DLC1: variants seen among roughly 807,000 people sequenced by gnomAD.
DLC1 encodes the protein DLC1 Rho GTPase activating protein.
In DLC1, 54 loss-of-function variants were observed where a neutral mutation model predicts 140.3. The ratio of observed to expected loss-of-function variants is 0.38; its 90% confidence interval spans 0.31 to 0.48. The LOEUF is 0.48. Ranked by LOEUF, DLC1 falls within the 20% of genes least tolerant of loss-of-function variation. The pLI is 0.96. For synonymous variants in DLC1, 986 were observed against 728.1 expected (o/e 1.35, Z -5.70); for missense variants, 2,536 against 1,907.0 (o/e 1.33, Z -6.14).
chr8:13,390,740 C>A (rs1035411673), intron 4 of DLC1, among the ~76,000 whole-genome samples: 2 of 152,158 alleles, frequency 1.3e-5, no homozygotes, highest in African/African-American at 4.8e-5. Flanking sequence ...GTAATCCCAG[C>A]ACTTTGGGAG....
chr8:13,517,308 G>A (rs1450573453), upstream of DLC1, among the ~76,000 whole-genome samples: 2 of 152,078 alleles, frequency 1.3e-5, no homozygotes, highest in South Asian at 2.1e-4. Context: ...CTTTAGTTTT[G>A]TTTCTATTTC....
At chr8:13,379,579 A>G (rs531323888) in intron 4 of DLC1, among the ~76,000 whole-genome samples, 2 of 152,326 alleles carry the variant, frequency 1.3e-5, no homozygotes, top group South Asian at 2.1e-4. Context: ...ATGTCAAAAA[A>G]TTCTAAGTCA....
chr8:13,094,006 A>C (rs541000238), intron 12 of DLC1, among the ~76,000 whole-genome samples: 1 of 152,336 alleles, frequency 6.6e-6, no homozygotes, highest in Non-Finnish European at 1.5e-5. Context: ...ATAACAGAAA[A>C]AGATTATTTA....
At chr8:13,539,115 C>G (rs1424771785) in intron 1 of DLC1, among the ~76,000 whole-genome samples, 2 of 152,008 alleles carry the variant, frequency 1.3e-5, no homozygotes, top group Admixed American at 1.3e-4. Flanking sequence ...GTCATAATCA[C>G]TTTTTATCTT....
chr8:13,484,033 T>A (rs969786133), intron 2 of DLC1, among the ~76,000 whole-genome samples: 5 of 152,080 alleles, frequency 3.3e-5, no homozygotes, highest in African/African-American at 1.2e-4. Flanking sequence ...TGAACCCAGA[T>A]CATGCCATTG....
intron 4 of DLC1, among the ~76,000 whole-genome samples, chr8:13,368,269 C>A (rs557021918): frequency 6.6e-6 from 1 of 152,026 alleles, no homozygotes; most frequent in African/African-American, 2.4e-5. Flanking sequence ...TCTCCTAGGA[C>A]AGTATATTTT....
chr8:13,317,101 G>T (rs1025419856), intron 4 of DLC1, among the ~76,000 whole-genome samples: 1 of 152,168 alleles, frequency 6.6e-6, no homozygotes, highest in Admixed American at 6.5e-5. Flanking sequence ...CTATATTTCA[G>T]AATGGGTCAA....
At position 13,100,223 on chromosome 8, in the gene DLC1, T is replaced by C. The variant is rs1371666729; in HGVS notation, c.2114A>G (p.Glu705Gly). The C allele has an allele frequency of 1.9e-6, 3 of 1,614,084 alleles. No individual in the cohort carries two copies. Among genetic ancestry groups the C allele is most frequent in the Non-Finnish European group, 2.5e-6 (3 of 1,180,050 alleles). Residue 705 changes from glutamate to glycine, a missense_variant, in exon 9 of 18, where the codon GAG becomes GGG. By Grantham distance (98) the Glu-to-Gly change is moderately conservative (BLOSUM62 -2). Coordinates refer to ENST00000276297, the MANE Select transcript of DLC1 (RefSeq NM_182643.3). ...GCAGTTGAGCTGCTTCAGCTTCTCC[T>C]CATCCATCCCCTCTTGCAAGATGGG... ...SGPILQEGMD[E>G]EKLKQLNCVE...
At chr8:13,438,629 A>G (rs1839228282) in intron 2 of DLC1, among the ~76,000 whole-genome samples, 1 of 152,138 alleles carries the variant, frequency 6.6e-6, no homozygotes, top group African/African-American at 2.4e-5. Flanking sequence ...CTGGATTCAC[A>G]GCTGTTTTCC....
At chr8:13,221,513 G>A (rs1317933325) in intron 5 of DLC1, among the ~76,000 whole-genome samples, 1 of 151,310 alleles carries the variant, frequency 6.6e-6, no homozygotes, top group East Asian at 1.9e-4. Flanking sequence ...TGGGACTACA[G>A]GCATGCACCA....
At chr8:13,228,694 T>C (rs1828910718) in intron 5 of DLC1, among the ~76,000 whole-genome samples, 1 of 152,182 alleles carries the variant, frequency 6.6e-6, no homozygotes, top group South Asian at 2.1e-4. Context: ...CAGTGAACTA[T>C]GGTCGTGCTG....
chr8:13,111,979 C>T (rs1448303340), intron 6 of DLC1, among the ~76,000 whole-genome samples: 2 of 151,718 alleles, frequency 1.3e-5, no homozygotes, highest in African/African-American at 4.8e-5. Context: ...GACCTTGTCT[C>T]TACAAAAAAA....
chr8:13,418,872 T>C (rs1838189984), intron 2 of DLC1, among the ~76,000 whole-genome samples: 2 of 152,148 alleles, frequency 1.3e-5, no homozygotes, highest in Admixed American at 1.3e-4. Context: ...CATTTCTTTG[T>C]ATCCTCTTTT....
chr8:13,554,944 C>T (rs1347648464), intron 1 of DLC1, among the ~76,000 whole-genome samples: 1 of 152,222 alleles, frequency 6.6e-6, no homozygotes, highest in Non-Finnish European at 1.5e-5. Context: ...CTATTAACCT[C>T]CACTTCCATT....
chr8:13,460,661 T>G (rs1006643793), intron 2 of DLC1, among the ~76,000 whole-genome samples: 3 of 152,048 alleles, frequency 2.0e-5, no homozygotes, highest in Non-Finnish European at 4.4e-5. Context: ...ATGGTGTGGA[T>G]CAAAATAAAG....
intron 1 of DLC1, among the ~76,000 whole-genome samples, chr8:13,531,477 T>C (rs1041215277): frequency 7.9e-5 from 12 of 152,016 alleles, no homozygotes; most frequent in Non-Finnish European, 1.8e-4. Context: ...TCCCAGTTAC[T>C]CAGGTGGCTG....
chr8:13,283,143 A>G (rs952863017), intron 5 of DLC1, among the ~76,000 whole-genome samples: 1 of 152,214 alleles, frequency 6.6e-6, no homozygotes, highest in Non-Finnish European at 1.5e-5. Flanking sequence ...CTATGTTAAC[A>G]TAACTTGTTG....
chr8:13,479,284 A>G (rs1443883963), intron 2 of DLC1, among the ~76,000 whole-genome samples: 6 of 152,374 alleles, frequency 3.9e-5, no homozygotes, highest in South Asian at 4.1e-4. Context: ...GACAGTGAAT[A>G]ATAAAATGGA....
chr8:13,526,419 G>A (rs900458706), intron 1 of DLC1, among the ~76,000 whole-genome samples: 1 of 152,080 alleles, frequency 6.6e-6, no homozygotes, highest in African/African-American at 2.4e-5. Context: ...TGATAATATT[G>A]AGTCTTCTAT....
Sources: allele counts gnomAD v4.1 joint callset (sites outside exome capture counted in the v4.1 genomes callset), GRCh38; gene constraint gnomAD v4.1.1; transcripts MANE v1.5; gene names NCBI Gene and HGNC (gene_info 2026-07-23, HGNC 2026-07-21).